SMIM31: variants seen among roughly 807,000 people sequenced by gnomAD.
SMIM31 encodes the protein human epithelial cell program regulator.
intron 2 of SMIM31, among the ~76,000 whole-genome samples, chr4:164,772,575 T>TTTTTA (rs199729747): frequency 0.042 from 3,185 of 74,946 alleles, 173 homozygotes; most frequent in African/African-American, 0.12. Context: ...ATTTTTTTTA[T>TTTTTA]TTTTATTTTA....
Position 164,803,287 on chromosome 4 carries a change from A to C in SMIM31, c.*2093A>C, listed in dbSNP as rs560405696. 1 of 152,342 alleles carries C rather than the reference A, an allele frequency of 6.6e-6. No individual in the cohort carries two copies. The highest frequency in any genetic ancestry group is 2.4e-5 in the African/African-American group (1 of 41,544). The allele number at this position is 152,342 out of a possible 1,614,324, so 9.4% of individuals were successfully genotyped here. ...GCACTTCACAATTAGGAATATTGTC[A>C]GGTCAGCCAGGCGCCGTGGGCATGC... On this transcript the variant is annotated 3_prime_UTR_variant, in exon 3 of 3. Transcript: ENST00000507311.
chr4:164,791,898 T>C (rs1201739221), intron 2 of SMIM31, among the ~76,000 whole-genome samples: 1 of 152,188 alleles, frequency 6.6e-6, no homozygotes, highest in Non-Finnish European at 1.5e-5. Flanking sequence ...CCACTTCGTA[T>C]GCCTTTGCGT....
intron 2 of SMIM31, 110 bp from the exon 3 acceptor site, chr4:164,800,981 A>G (rs746893075): frequency 2.0e-4 from 80 of 393,620 alleles, no homozygotes; most frequent in Non-Finnish European, 3.1e-4. Flanking sequence ...CCTAGCCAAC[A>G]GGAAAAGTTA....
At chr4:164,766,573 C>A (rs554338310) in intron 1 of SMIM31, among the ~76,000 whole-genome samples, 13 of 151,888 alleles carry the variant, frequency 8.6e-5, no homozygotes, top group East Asian at 5.8e-4. Flanking sequence ...CTGAGGCAGG[C>A]GGATCACGAG....
chr4:164,773,496 CAGA>C (rs372743447), intron 2 of SMIM31, among the ~76,000 whole-genome samples: 14 of 152,208 alleles, frequency 9.2e-5, no homozygotes, highest in East Asian at 1.9e-4. Flanking sequence ...ATTTAGTGGC[CAGA>C]AGAAGAAGAA....
At chr4:164,779,497 A>G (rs1193721159) in intron 2 of SMIM31, among the ~76,000 whole-genome samples, 1 of 150,948 alleles carries the variant, frequency 6.6e-6, no homozygotes, top group Non-Finnish European at 1.5e-5. Context: ...ACATAGTTTT[A>G]AAGTTATTTT....
At chr4:164,756,667 G>A (rs966884098) in intron 1 of SMIM31, among the ~76,000 whole-genome samples, 1 of 151,788 alleles carries the variant, frequency 6.6e-6, no homozygotes, top group Admixed American at 6.6e-5. Flanking sequence ...ACCTAATCAA[G>A]TTCTACCCCT....
chr4:164,772,267 C>T (rs901012798), intron 2 of SMIM31, among the ~76,000 whole-genome samples: 6 of 130,916 alleles, frequency 4.6e-5, no homozygotes, highest in East Asian at 2.7e-4. Context: ...CTTTTAAACA[C>T]CCAGATTCAT....
rs928057686 is a variant in SMIM31, at chr4:164,801,099, C to T, written c.121C>T (p.His41Tyr). The change falls in exon 3 of 3, where the codon CAT (histidine) becomes TAT (tyrosine). Residue 41 changes from histidine to tyrosine, a missense_variant. Coordinates refer to ENST00000507311, the MANE Select transcript of SMIM31 (RefSeq NM_001352885.1). ...ATTCTTTCTTATTGCAGAGGAAGAA[C>T]ATGAAAAAAAGGGAAGGGAAAAGAA... ...TPDDSNEEEE[H>Y]EKKGREKKRK... 4 of 397,208 alleles carry T rather than the reference C, an allele frequency of 1.0e-5. No individual in the cohort carries two copies. Among genetic ancestry groups the T allele is most frequent in the Non-Finnish European group, 1.8e-5 (4 of 225,636 alleles). 24.6% of individuals were successfully genotyped at this position (397,208 alleles called of 1,614,324 possible). A position where few individuals can be genotyped will look rare whatever the true frequency, so the allele number is the denominator to read the frequency against.
At chr4:164,780,231 G>T (rs182497499) in intron 2 of SMIM31, among the ~76,000 whole-genome samples, 4,281 of 152,284 alleles carry the variant, frequency 0.028, 127 homozygotes, top group African/African-American at 0.077. Flanking sequence ...ATCAAGACCA[G>T]CCTGGCCAAC....
intron 1 of SMIM31, among the ~76,000 whole-genome samples, chr4:164,765,975 G>C (rs1441372599): frequency 6.6e-6 from 1 of 152,174 alleles, no homozygotes; most frequent in African/African-American, 2.4e-5. Context: ...TCAATAAGAA[G>C]AGCATGTTCC....
intron 2 of SMIM31, among the ~76,000 whole-genome samples, chr4:164,775,806 G>A (rs1732873859): frequency 6.6e-6 from 1 of 152,184 alleles, no homozygotes; most frequent in Non-Finnish European, 1.5e-5. Flanking sequence ...GCTCAGGGAT[G>A]TTGGAACTTT....
In SMIM31 at chr4:164,803,508, C is replaced by CA. The variant is rs1240161478; in HGVS notation, c.*2318dup. ...CCCTAACATGTTTATGAAATAGCTGCAAAAGGCTGAGCGTGGTGGCTCACG... is the reference window on the plus strand; with the variant it reads ...CCCTAACATGTTTATGAAATAGCTGCAAAAAGGCTGAGCGTGGTGGCTCACG... On this transcript the variant is annotated 3_prime_UTR_variant, in exon 3 of 3. Transcript: ENST00000507311. 1 of 152,166 alleles carries CA rather than the reference C, an allele frequency of 6.6e-6. No homozygotes were observed. The highest frequency in any genetic ancestry group is 1.9e-4 in the East Asian group (1 of 5,196). The allele number at this position is 152,166 out of a possible 1,614,324, so 9.4% of individuals were successfully genotyped here. A position where few individuals can be genotyped will look rare whatever the true frequency, so the allele number is the denominator to read the frequency against.
chr4:164,785,124 G>A (rs1214759234), intron 2 of SMIM31, among the ~76,000 whole-genome samples: 4 of 151,932 alleles, frequency 2.6e-5, no homozygotes, highest in Non-Finnish European at 5.9e-5. Flanking sequence ...TACTCAGGAG[G>A]CTGAGGCAGG....
At position 164,801,376 on chromosome 4, in the gene SMIM31, T is replaced by C; in HGVS notation, c.*182T>C. On this transcript the variant is annotated 3_prime_UTR_variant, in exon 3 of 3. Coordinates refer to ENST00000507311, the MANE Select transcript of SMIM31 (RefSeq NM_001352885.1). ...GGGAAAGGCTTCACATTTCTGGGAC[T>C]CAGCATTATCCAAAATATCTATTAA... The C allele has an allele frequency of 2.6e-6, 1 of 379,778 alleles. No individual in the cohort carries two copies. The allele number at this position is 379,778 out of a possible 1,614,324, so 23.5% of individuals were successfully genotyped here. A position where few individuals can be genotyped will look rare whatever the true frequency, so the allele number is the denominator to read the frequency against.
chr4:164,755,009 T>C (rs1732538955), intron 1 of SMIM31, among the ~76,000 whole-genome samples: 1 of 149,460 alleles, frequency 6.7e-6, no homozygotes, highest in Non-Finnish European at 1.5e-5. Flanking sequence ...CTGTCATTTA[T>C]CTGCTTTTAG....
intron 2 of SMIM31, among the ~76,000 whole-genome samples, chr4:164,795,957 C>T (rs1733189885): frequency 6.6e-6 from 1 of 152,152 alleles, no homozygotes; most frequent in South Asian, 2.1e-4. Context: ...GAGAAACCCC[C>T]ACCTTCACTC....
chr4:164,758,436 G>T (rs964024621), intron 1 of SMIM31, among the ~76,000 whole-genome samples: 8 of 152,100 alleles, frequency 5.3e-5, no homozygotes, highest in African/African-American at 1.9e-4. Flanking sequence ...AAATATTGTT[G>T]CTTCGGGGCA....
rs1437921974 is a variant in SMIM31 at position 164,797,828 on chromosome 4, T to C, written c.113-3263T>C. 3.3e-5 allele frequency among the ~76,000 whole-genome samples: 5 copies of C among 152,076 alleles called. No individual in the cohort carries two copies. In the South Asian group the frequency reaches 6.2e-4, roughly 19 times the overall value. ...GAAATCTGGGCTTTTAGTGTACCCATTACCCAAATAGTCAACATTATACCC... is the reference window on the plus strand; with the variant it reads ...GAAATCTGGGCTTTTAGTGTACCCACTACCCAAATAGTCAACATTATACCC... On this transcript the variant is annotated intron_variant, in intron 2 of 2. Transcript: ENST00000507311.
Sources: gnomAD v4.1 joint callset for allele counts (sites outside exome capture counted in the v4.1 genomes callset) on GRCh38, gnomAD v4.1.1 for gene constraint, MANE v1.5 for transcripts, NCBI Gene and HGNC (gene_info 2026-07-23, HGNC 2026-07-21) for gene names.